The following CNTNAP5 variants were observed in gnomAD, a reference collection of about 807,000 sequenced individuals.
CNTNAP5 encodes contactin-associated protein-like 5.
In CNTNAP5, 72 loss-of-function variants were observed where a neutral mutation model predicts 150.2. That is an observed-to-expected ratio of 0.48 (90% CI 0.40 to 0.58). The LOEUF (loss-of-function observed/expected upper bound fraction) is 0.58, where lower values mean the gene tolerates loss of function less well. Ranked by LOEUF, CNTNAP5 falls within the 20% of genes least tolerant of loss-of-function variation. The pLI is 0.00. For synonymous variants in CNTNAP5, 672 were observed against 619.8 expected, an observed-to-expected ratio of 1.08 and a Z score of -1.25; for missense variants, 1,636 against 1,626.2, an observed-to-expected ratio of 1.01 and a Z score of -0.10.
At chr2:124,230,492 T>G (rs1332006883) in intron 2 of CNTNAP5, among the ~76,000 whole-genome samples, 7 of 148,796 alleles carry the variant, frequency 4.7e-5, no homozygotes, top group Non-Finnish European at 1.0e-4. Flanking sequence ...TTTATTTCTT[T>G]TGTGTGTGTG....
At chr2:124,043,965 A>G (rs1347874) in intron 1 of CNTNAP5, among the ~76,000 whole-genome samples, 45,468 of 152,096 alleles carry the variant, frequency 0.3, 7,131 homozygotes, top group Admixed American at 0.37. Context: ...CCCATGGGCC[A>G]GTTCTTGTCC....
At chr2:124,760,503 A>C (rs1189756926) in intron 14 of CNTNAP5, among the ~76,000 whole-genome samples, 1 of 152,138 alleles carries the variant, frequency 6.6e-6, no homozygotes, top group Admixed American at 6.6e-5. Context: ...AAATACCAAA[A>C]TTCAGATATT....
intron 3 of CNTNAP5, among the ~76,000 whole-genome samples, chr2:124,312,093 G>T (rs1688844099): frequency 6.6e-6 from 1 of 152,216 alleles, no homozygotes; most frequent in Non-Finnish European, 1.5e-5. Flanking sequence ...GGCTCTAGAA[G>T]CTGAATGGAA....
chr2:124,202,231 A>C (rs987849698), intron 1 of CNTNAP5, among the ~76,000 whole-genome samples: 6 of 152,172 alleles, frequency 3.9e-5, no homozygotes, highest in African/African-American at 1.4e-4. Flanking sequence ...ATAGTTCTGA[A>C]GTAAGTTTCT....
chr2:124,086,565 AATAC>A (rs1682697266), intron 1 of CNTNAP5, among the ~76,000 whole-genome samples: 1 of 151,606 alleles, frequency 6.6e-6, no homozygotes, highest in African/African-American at 2.4e-5. Context: ...ATCAGTATAT[AATAC>A]ATCTCTCTGG....
At chr2:124,039,537 A>T (rs540066409) in intron 1 of CNTNAP5, among the ~76,000 whole-genome samples, 1 of 152,288 alleles carries the variant, frequency 6.6e-6, no homozygotes, top group East Asian at 1.9e-4. Flanking sequence ...GTGCTCCCTG[A>T]TGTTAAGTAA....
In CNTNAP5 at chr2:124,151,149, G is replaced by A. The variant is rs574538319; in HGVS notation, c.83-70556G>A. Among the ~76,000 whole-genome samples, 159 of 152,270 alleles carry A rather than the reference G, an allele frequency of 1.0e-3. 2 individuals carry two copies. The highest frequency in any genetic ancestry group is 1.9e-3 in the Non-Finnish European group (131 of 68,028). On this transcript the variant is annotated intron_variant, in intron 1 of 23. Coordinates refer to ENST00000682447, the MANE Select transcript of CNTNAP5 (RefSeq NM_001367498.1). ...AGTGGGGCAGAGAAAGGAGGTGCAC[G>A]TGTCCAATGAGTACAAGGGAGAAAC...
intron 12 of CNTNAP5, among the ~76,000 whole-genome samples, chr2:124,639,181 C>T (rs1678038118): frequency 6.6e-6 from 1 of 152,150 alleles, no homozygotes; most frequent in Admixed American, 6.6e-5. Flanking sequence ...GTAGTACTTG[C>T]AGTATAGCAT....
intron 7 of CNTNAP5, among the ~76,000 whole-genome samples, chr2:124,484,726 T>A (rs983851657): frequency 1.3e-5 from 2 of 152,174 alleles, no homozygotes; most frequent in Admixed American, 6.5e-5. Context: ...CTAAAGGTTA[T>A]AGATCAGTGA....
chr2:124,055,732 C>T (rs1681829408), intron 1 of CNTNAP5, among the ~76,000 whole-genome samples: 2 of 152,178 alleles, frequency 1.3e-5, no homozygotes, highest in Admixed American at 6.5e-5. Flanking sequence ...TGAGGGATTA[C>T]TCCAACTTTC....
At chr2:124,427,206 C>T (rs1433387387) in intron 4 of CNTNAP5, among the ~76,000 whole-genome samples, 7 of 152,040 alleles carry the variant, frequency 4.6e-5, no homozygotes, top group South Asian at 4.1e-4. Flanking sequence ...GGAAAACATT[C>T]CACAACGACC....
chr2:124,811,738 C>G (rs534868232), intron 19 of CNTNAP5, among the ~76,000 whole-genome samples: 2 of 148,924 alleles, frequency 1.3e-5, no homozygotes, highest in African/African-American at 5.0e-5. Flanking sequence ...ATCAGGAGTT[C>G]GAGACCAGCC....
At chr2:124,261,073 T>A (rs2104600961) in intron 3 of CNTNAP5, among the ~76,000 whole-genome samples, 1 of 152,252 alleles carries the variant, frequency 6.6e-6, no homozygotes, top group East Asian at 1.9e-4. Flanking sequence ...GTTCTATGTA[T>A]CAGAAATTTC....
intron 1 of CNTNAP5, among the ~76,000 whole-genome samples, chr2:124,036,652 TTAGAGA>T (rs1331813082): frequency 6.6e-6 from 1 of 152,070 alleles, no homozygotes; most frequent in Non-Finnish European, 1.5e-5. Context: ...ACACTGGAGA[TTAGAGA>T]TAAAGTTAAG....
chr2:124,370,057 G>A (rs1690482640), intron 3 of CNTNAP5, among the ~76,000 whole-genome samples: 1 of 152,090 alleles, frequency 6.6e-6, no homozygotes, highest in African/African-American at 2.4e-5. Context: ...TATAATTAAA[G>A]ACAATGTATA....
At chr2:124,039,270 G>A (rs1204593774) in intron 1 of CNTNAP5, among the ~76,000 whole-genome samples, 1 of 152,134 alleles carries the variant, frequency 6.6e-6, no homozygotes, top group African/African-American at 2.4e-5. Context: ...TCCAAAAAAG[G>A]AATCTCATGT....
chr2:124,445,262 T>G (rs574632609), intron 5 of CNTNAP5, among the ~76,000 whole-genome samples: 34 of 151,740 alleles, frequency 2.2e-4, no homozygotes, highest in African/African-American at 8.2e-4. Flanking sequence ...GCTAATTTTT[T>G]TTTTTCTGTA....
chr2:124,848,165 C>G (rs1370595971), intron 19 of CNTNAP5, among the ~76,000 whole-genome samples: 1 of 152,046 alleles, frequency 6.6e-6, no homozygotes, highest in African/African-American at 2.4e-5. Flanking sequence ...AAAATTTGAC[C>G]AACATCCTCT....
At chr2:124,513,733 G>C (rs887526581) in intron 8 of CNTNAP5, among the ~76,000 whole-genome samples, 4 of 152,286 alleles carry the variant, frequency 2.6e-5, no homozygotes, top group East Asian at 1.9e-4. Flanking sequence ...TTATACTCAG[G>C]GGGGAGTACT....
Sources: allele counts gnomAD v4.1 joint callset (sites outside exome capture counted in the v4.1 genomes callset), GRCh38; gene constraint gnomAD v4.1.1; transcripts MANE v1.5; gene names NCBI Gene and HGNC (gene_info 2026-07-23, HGNC 2026-07-21).